The following VPS36 variants were observed in gnomAD, a reference collection of about 807,000 sequenced individuals.
The protein encoded by VPS36 is vacuolar protein-sorting-associated protein 36.
A neutral mutation model predicts 63.5 loss-of-function variants in VPS36; 31 were observed. The observed-to-expected ratio is 0.49, with a 90% CI of 0.37 to 0.66. VPS36 has a LOEUF of 0.66. Among genes scored for constraint, VPS36 ranks in the 30% least tolerant of loss-of-function variants. The pLI is 0.00. For missense variants in VPS36, 338 were observed against 463.7 expected (o/e 0.73, Z 2.49); for synonymous variants, 138 against 157.2 (o/e 0.88, Z 0.91).
At chr13:52,436,251 AC>A in intron 4 of VPS36, 38 bp downstream of exon 4, 2 of 1,417,220 alleles carry the variant, frequency 1.4e-6, no homozygotes, top group Middle Eastern at 1.8e-4. Context: ...ACACACACAC[AC>A]ACCTTTCTAG....
rs145896285 is a variant in VPS36 at position 52,417,136 on chromosome 13, C to G, written c.911G>C (p.Arg304Pro). Residue 304 changes from arginine (R) to proline (P), a missense_variant, in exon 12 of 14, where the codon CGT (arginine) becomes CCT (proline). Physicochemically the swap from Arg to Pro is moderately radical, Grantham distance 103 (BLOSUM62 -2). Coordinates refer to ENST00000378060, the MANE Select transcript of VPS36 (RefSeq NM_016075.4). Reference sequence around the variant, plus strand: ...TACCATGACGCCACTGTCAAACACACGGAGCCTGAAAACCACAGGTGCGAG... The same window carrying G: ...TACCATGACGCCACTGTCAAACACAGGGAGCCTGAAAACCACAGGTGCGAG... ...LEALKLPLRL[R>P]VFDSGVMVIE... 1.2e-6 allele frequency: 2 copies of G among 1,613,788 alleles called. No individual in the cohort carries two copies. The highest frequency in any genetic ancestry group is 1.7e-6 in the Non-Finnish European group (2 of 1,179,962).
intron 12 of VPS36, 68 bp downstream of exon 12, chr13:52,416,985 GTTTT>G (rs1594110958): frequency 4.7e-6 from 6 of 1,281,790 alleles, no homozygotes; most frequent in Middle Eastern, 1.9e-4. Context: ...AGGAAATCCT[GTTTT>G]TTGAGTTGCT....
chr13:52,425,815 AAC>A, intron 9 of VPS36, 115 bp downstream of exon 9: 1 of 1,115,250 alleles, frequency 9.0e-7, no homozygotes, highest in Non-Finnish European at 1.2e-6. Context: ...AGAAAAAAAA[AAC>A]ATGTCAGTTG....
chr13:52,440,406 G>A (rs1181309354), intron 2 of VPS36, among the ~76,000 whole-genome samples: 1 of 152,078 alleles, frequency 6.6e-6, no homozygotes, highest in Non-Finnish European at 1.5e-5. Context: ...CAATTTTCCT[G>A]CCTCAGCCTC....
At chr13:52,424,833 A>G (rs1958082470) in intron 9 of VPS36, among the ~76,000 whole-genome samples, 1 of 152,066 alleles carries the variant, frequency 6.6e-6, no homozygotes. Flanking sequence ...TGAAAATACA[A>G]AACAATTAGC....
At chr13:52,422,353 T>C (rs762722560) in intron 10 of VPS36, among the ~76,000 whole-genome samples, 3 of 152,204 alleles carry the variant, frequency 2.0e-5, no homozygotes, top group Non-Finnish European at 4.4e-5. Context: ...TCTTTATCCG[T>C]TCATCACTGA....
chr13:52,424,812 T>A (rs952539776), intron 9 of VPS36, among the ~76,000 whole-genome samples: 2 of 151,826 alleles, frequency 1.3e-5, no homozygotes, highest in Non-Finnish European at 2.9e-5. Context: ...ATGGTGAAAC[T>A]CTGTCTTTAC....
chr13:52,436,474 CT>C, intron 3 of VPS36, 70 bp from the exon 4 acceptor site: 1 of 1,093,538 alleles, frequency 9.1e-7, no homozygotes, highest in Non-Finnish European at 1.3e-6. Flanking sequence ...ACTTTTATAA[CT>C]TTTTATGTAT....
chr13:52,437,688 T>C (rs1178038485), intron 3 of VPS36, among the ~76,000 whole-genome samples: 1 of 152,142 alleles, frequency 6.6e-6, no homozygotes, highest in Non-Finnish European at 1.5e-5. Flanking sequence ...CCCAGCACTT[T>C]GGGAGGCTGA....
At chr13:52,438,570 G>C (rs931914664) in intron 3 of VPS36, among the ~76,000 whole-genome samples, 3 of 151,990 alleles carry the variant, frequency 2.0e-5, no homozygotes, top group African/African-American at 4.8e-5. Context: ...CCAAGTTTTC[G>C]GTACATTTGA....
chr13:52,418,166 T>A, intron 10 of VPS36, 110 bp from the exon 11 acceptor site: 4 of 953,406 alleles, frequency 4.2e-6, no homozygotes, highest in South Asian at 2.0e-5. Context: ...ATTTAATCAC[T>A]ACAAAGCAAA....
At chr13:52,420,101 C>T (rs1257270608) in intron 10 of VPS36, among the ~76,000 whole-genome samples, 1 of 151,508 alleles carries the variant, frequency 6.6e-6, no homozygotes, top group Non-Finnish European at 1.5e-5. Flanking sequence ...ATTAGCCAGG[C>T]GTGGTAGCCG....
At chr13:52,418,116 A>G (rs369346189) in intron 10 of VPS36, 60 bp from the exon 11 acceptor site, 1 of 1,400,946 alleles carries the variant, frequency 7.1e-7, no homozygotes, top group Non-Finnish European at 9.9e-7. Context: ...AAAACAGAAG[A>G]GTATATTTTA....
chr13:52,442,312 C>T, intron 2 of VPS36, 65 bp downstream of exon 2: 1 of 1,453,306 alleles, frequency 6.9e-7, no homozygotes, highest in Non-Finnish European at 9.3e-7. Flanking sequence ...TACAGCGAGA[C>T]CCTGTCTCTA....
At position 52,425,915 on chromosome 13, in the gene VPS36, A is replaced by G. The variant is rs757627991; in HGVS notation, c.774+17T>C. The stretch of plus-strand genomic sequence containing the variant: ...TTTAACACAGTTTAAAAAAAAACAC[A>G]TAGGTTTAGTTTTTACCTCTAAAGG... On this transcript the variant is annotated intron_variant, in intron 9 of 13. Transcript: ENST00000378060. 4 of 1,597,776 alleles carry G rather than the reference A, an allele frequency of 2.5e-6. No homozygotes were observed. Among genetic ancestry groups the G allele is most frequent in the East Asian group, 2.2e-5 (1 of 44,754 alleles).
At chr13:52,429,619 T>C (rs1397314401) in intron 6 of VPS36, among the ~76,000 whole-genome samples, 1 of 152,188 alleles carries the variant, frequency 6.6e-6, no homozygotes, top group Non-Finnish European at 1.5e-5. Flanking sequence ...AATAAATTAA[T>C]GATCTGCATG....
intron 8 of VPS36, among the ~76,000 whole-genome samples, 155 bp downstream of exon 8, chr13:52,426,834 G>A (rs947765813): frequency 2.0e-4 from 30 of 152,268 alleles, no homozygotes; most frequent in East Asian, 9.7e-4. Flanking sequence ...CAGCCTGGGC[G>A]ACGGAGCGAC....
chr13:52,444,962 T>C (rs1000574562), intron 1 of VPS36, among the ~76,000 whole-genome samples: 3 of 152,216 alleles, frequency 2.0e-5, no homozygotes, highest in African/African-American at 7.2e-5. Flanking sequence ...AATAACACAC[T>C]TCTTGACATA....
chr13:52,425,634 GTATGGAAA>G (rs1388864364), intron 9 of VPS36: 1 of 220,626 alleles, frequency 4.5e-6, no homozygotes, highest in African/African-American at 2.3e-5. Context: ...AAGACTAGAT[GTATGGAAA>G]TATATCTATT....
Sources: allele counts gnomAD v4.1 joint callset (sites outside exome capture counted in the v4.1 genomes callset), GRCh38; gene constraint gnomAD v4.1.1; transcripts MANE v1.5; gene names NCBI Gene and HGNC (gene_info 2026-07-23, HGNC 2026-07-21).